The following ZNF710 variants were observed in gnomAD, a reference collection of about 807,000 sequenced individuals.
ZNF710 encodes the protein zinc finger protein 710.
A neutral mutation model predicts 50.6 loss-of-function variants in ZNF710; 13 were observed. The observed-to-expected ratio is 0.26, with a 90% CI of 0.17 to 0.41. ZNF710 has a LOEUF of 0.41. ZNF710 is among the 10% of genes least tolerant of loss of function. The pLI is 1.00. For synonymous variants in ZNF710, 383 were observed against 397.0 expected, an observed-to-expected ratio of 0.96 and a Z score of 0.42; for missense variants, 721 against 936.6, an observed-to-expected ratio of 0.77 and a Z score of 3.01.
At chr15:90,054,771 T>A (rs1899758734) in intron 1 of ZNF710, among the ~76,000 whole-genome samples, 1 of 152,236 alleles carries the variant, frequency 6.6e-6, no homozygotes, top group African/African-American at 2.4e-5. Flanking sequence ...CAGGATAGTG[T>A]ACTTGTTTGG....
chr15:90,046,440 T>G (rs1366199599), intron 1 of ZNF710, among the ~76,000 whole-genome samples: 2 of 152,074 alleles, frequency 1.3e-5, no homozygotes, highest in Non-Finnish European at 2.9e-5. Flanking sequence ...GCCCAGGGCC[T>G]CAGGGAAGGG....
chr15:90,061,462 G>A (rs1036372591), intron 1 of ZNF710, among the ~76,000 whole-genome samples: 30 of 152,254 alleles, frequency 2.0e-4, no homozygotes, highest in African/African-American at 6.3e-4. Context: ...GTGAGCCTCC[G>A]CGCCCGCCCT....
At position 90,027,609 on chromosome 15, in the gene ZNF710, TG is replaced by T. The variant is rs536360496; in HGVS notation, c.-29+25998del. Among the ~76,000 whole-genome samples the T allele has an allele frequency of 3.0e-3, 462 of 152,180 alleles. 6 individuals carry two copies. The highest frequency in any genetic ancestry group is 0.01 in the African/African-American group (424 of 41,526). On this transcript the variant is annotated intron_variant, in intron 1 of 4. Transcript: ENST00000268154. ...GCTCATGCCTGTAATACTAGCACTT[TG>T]GGAGGCCAAGGCAGGCTGATCATTT...
chr15:90,028,718 G>A (rs1351002343), intron 1 of ZNF710, among the ~76,000 whole-genome samples: 1 of 152,164 alleles, frequency 6.6e-6, no homozygotes, highest in East Asian at 1.9e-4. Context: ...GTGGACAGAC[G>A]GGAAGCAATC....
intron 2 of ZNF710, among the ~76,000 whole-genome samples, chr15:90,071,886 G>C (rs578190899): frequency 2.0e-5 from 3 of 152,056 alleles, no homozygotes; most frequent in African/African-American, 7.2e-5. Context: ...ATGTTGGCCA[G>C]CCTGGTCTCG....
chr15:90,008,709 A>G (rs889933739), intron 1 of ZNF710, among the ~76,000 whole-genome samples: 6 of 151,192 alleles, frequency 4.0e-5, no homozygotes, highest in African/African-American at 1.2e-4. Flanking sequence ...TGAGCCCAGG[A>G]GGTTGAGGCT....
intron 1 of ZNF710, among the ~76,000 whole-genome samples, chr15:90,045,898 G>A (rs1376542622): frequency 1.3e-5 from 2 of 152,138 alleles, no homozygotes; most frequent in South Asian, 2.1e-4. Flanking sequence ...CGCATGTCTC[G>A]GCACATTTCT....
intron 4 of ZNF710, chr15:90,074,571 T>C: frequency 7.5e-7 from 1 of 1,329,148 alleles, no homozygotes. Context: ...CTTTATTAAC[T>C]CATGTGATCC....
intron 1 of ZNF710, among the ~76,000 whole-genome samples, chr15:90,058,619 A>G (rs1214709364): frequency 6.6e-6 from 1 of 151,808 alleles, no homozygotes; most frequent in Non-Finnish European, 1.5e-5. Flanking sequence ...CCTGGCTGTC[A>G]GGGGAGATGA....
chr15:90,021,092 G>GT (rs11436538), intron 1 of ZNF710, among the ~76,000 whole-genome samples: 80,452 of 151,424 alleles, frequency 0.53, 22,127 homozygotes, highest in Non-Finnish European at 0.58. Context: ...GGAGTCAAAC[G>GT]TTTCTCCAGT....
At chr15:90,014,347 G>A (rs1898392884) in intron 1 of ZNF710, among the ~76,000 whole-genome samples, 1 of 151,944 alleles carries the variant, frequency 6.6e-6, no homozygotes, top group Admixed American at 6.6e-5. Flanking sequence ...TGGAAGAGAG[G>A]AAGGAGAAGG....
At chr15:90,004,256 G>A (rs994828732) in intron 1 of ZNF710, among the ~76,000 whole-genome samples, 14 of 152,144 alleles carry the variant, frequency 9.2e-5, no homozygotes, top group African/African-American at 3.4e-4. Context: ...TTCTATTTTA[G>A]GTTTGCCTTG....
chr15:90,030,606 G>A (rs548661030), intron 1 of ZNF710, among the ~76,000 whole-genome samples: 1 of 152,008 alleles, frequency 6.6e-6, no homozygotes, highest in African/African-American at 2.4e-5. Context: ...GGGGGAGGGG[G>A]CACCAAGCAG....
Position 90,074,100 on chromosome 15 carries a change from G to C in ZNF710, c.1651-16G>C. 1.2e-6 allele frequency: 2 copies of C among 1,606,686 alleles called. No individual in the cohort carries two copies. The highest frequency in any genetic ancestry group is 2.2e-5 in the East Asian group (1 of 44,584). On this transcript the variant is annotated splice_polypyrimidine_tract_variant and intron_variant, in intron 3 of 4. Transcript: ENST00000268154. The stretch of plus-strand genomic sequence containing the variant: ...GGTTCCCCACAGGCTCAGGACACCG[G>C]GTTGATGTGTTCTAGGTGTGCGGGA...
At chr15:90,052,783 A>T (rs1194905557) in intron 1 of ZNF710, among the ~76,000 whole-genome samples, 1 of 152,154 alleles carries the variant, frequency 6.6e-6, no homozygotes, top group East Asian at 1.9e-4. Context: ...ATACAAAAAA[A>T]CTAGCCAGGC....
rs1023956930 is a variant in ZNF710, at chr15:90,040,398, C to G, written c.-28-26712C>G. ...CTCCGCAGATTTTCCCTGCAAGGTACAAGCCCTCCAGCCTCTTCCACCCAA... is the reference window on the plus strand; with the variant it reads ...CTCCGCAGATTTTCCCTGCAAGGTAGAAGCCCTCCAGCCTCTTCCACCCAA... On this transcript the variant is annotated intron_variant, in intron 1 of 4. Coordinates refer to ENST00000268154, the MANE Select transcript of ZNF710 (RefSeq NM_198526.4). The surrounding 1 kb of genome is among the most constrained non-coding windows in gnomAD (Gnocchi z 4.6). Among the ~76,000 whole-genome samples the G allele has an allele frequency of 6.6e-6, 1 of 152,212 alleles. No homozygotes were observed. Among genetic ancestry groups the G allele is most frequent in the African/African-American group, 2.4e-5 (1 of 41,456 alleles).
intron 1 of ZNF710, among the ~76,000 whole-genome samples, chr15:90,058,719 A>ATGTATGTATG (rs775602947): frequency 4.4e-5 from 6 of 136,534 alleles, no homozygotes; most frequent in African/African-American, 2.2e-4. Context: ...ATATATATAT[A>ATGTATGTATG]CACACATATA....
chr15:90,057,590 G>A (rs1489005033), intron 1 of ZNF710, among the ~76,000 whole-genome samples: 3 of 151,974 alleles, frequency 2.0e-5, no homozygotes, highest in Non-Finnish European at 4.4e-5. Context: ...CCAGCTACTC[G>A]GGTGGCTGAG....
rs373543759 is a variant in ZNF710, at chr15:90,001,337, G to C, written c.-306G>C. 2 of 152,204 alleles carry C rather than the reference G, an allele frequency of 1.3e-5. No individual in the cohort carries two copies. The highest frequency in any genetic ancestry group is 1.3e-4 in the Admixed American group (2 of 15,278). The allele number at this position is 152,204 out of a possible 1,614,324, so 9.4% of individuals were successfully genotyped here. A position where few individuals can be genotyped will look rare whatever the true frequency, so the allele number is the denominator to read the frequency against. On this transcript the variant is annotated 5_prime_UTR_variant, in exon 1 of 5. Coordinates refer to ENST00000268154, the MANE Select transcript of ZNF710 (RefSeq NM_198526.4). ...TGTCTCTCTCTTCCTCTGCGAGCTG[G>C]CTTAGGAGGAGCTGTTTTGCATCCC...
Sources: allele counts gnomAD v4.1 joint callset (sites outside exome capture counted in the v4.1 genomes callset), GRCh38; gene constraint gnomAD v4.1.1; non-coding constraint Gnocchi (gnomAD v3.1); transcripts MANE v1.5; gene names NCBI Gene and HGNC (gene_info 2026-07-23, HGNC 2026-07-21).